The following PRKD1 variants were observed in gnomAD, a reference collection of about 807,000 sequenced individuals.
The protein encoded by PRKD1 is serine/threonine-protein kinase D1.
PRKD1 carries 63 observed loss-of-function variants against 95.9 expected under a neutral mutation model. That is an observed-to-expected ratio of 0.66 (90% CI 0.54 to 0.81). The LOEUF (loss-of-function observed/expected upper bound fraction) is 0.81, where lower values mean the gene tolerates loss of function less well. Ranked by LOEUF, PRKD1 falls within the 30% of genes least tolerant of loss-of-function variation. PRKD1 has a pLI of 0.00. For missense variants in PRKD1, 1,048 were observed against 1,165.3 expected (o/e 0.90, Z 1.47); for synonymous variants, 425 against 423.1 (o/e 1.00, Z -0.05).
chr14:29,666,131 C>A lies in PRKD1; in HGVS notation c.481G>T (p.Asp161Tyr). The change falls in exon 3 of 18, where the codon GAT becomes TAT. Residue 161 changes from aspartate (D) to tyrosine (Y), a missense_variant. By Grantham distance (160) the Asp-to-Tyr change is radical (BLOSUM62 -3). This residue lies in a region of PRKD1 where 275 missense variants were observed against 248.6 expected (regional missense o/e 1.11). Transcript: ENST00000331968. ...CCCCACAGCATTTCTCCACAGTGATCACAGAAAGCTGGAGCTCTGTATGAA... is the reference window on the plus strand; with the variant it reads ...CCCCACAGCATTTCTCCACAGTGATAACAGAAAGCTGGAGCTCTGTATGAA... ...VHSYRAPAFC[D>Y]HCGEMLWGLV... is the part of the protein sequence containing the mutation. 1 of 1,607,070 alleles carries A rather than the reference C, an allele frequency of 6.2e-7. No individual in the cohort carries two copies. Among genetic ancestry groups the A allele is most frequent in the Non-Finnish European group, 8.5e-7 (1 of 1,175,238 alleles).
chr14:29,912,601 C>T (rs994260963), intron 1 of PRKD1, among the ~76,000 whole-genome samples: 11 of 152,324 alleles, frequency 7.2e-5, no homozygotes, highest in African/African-American at 2.4e-4. Flanking sequence ...CGCTACAGTC[C>T]GTACATTCCT....
chr14:29,681,131 A>C (rs1486416415), intron 2 of PRKD1, among the ~76,000 whole-genome samples: 4 of 152,252 alleles, frequency 2.6e-5, no homozygotes, highest in Admixed American at 2.6e-4. Flanking sequence ...TAAAACTGTA[A>C]GAAACGCTTG....
At chr14:29,826,780 T>TAA (rs1555348560) in intron 1 of PRKD1, among the ~76,000 whole-genome samples, 1 of 40,536 alleles carries the variant, frequency 2.5e-5, no homozygotes, top group Non-Finnish European at 4.4e-5. Flanking sequence ...CACATATATA[T>TAA]ACATATATAC....
At chr14:29,908,371 G>A (rs61979988) in intron 1 of PRKD1, among the ~76,000 whole-genome samples, 4,124 of 152,132 alleles carry the variant, frequency 0.027, 86 homozygotes, top group Non-Finnish European at 0.044. Flanking sequence ...ATAGCTCAAC[G>A]CGACCTCCAC....
chr14:29,760,926 G>A (rs1168537370), intron 1 of PRKD1, among the ~76,000 whole-genome samples: 2 of 151,908 alleles, frequency 1.3e-5, no homozygotes, highest in Non-Finnish European at 2.9e-5. Flanking sequence ...GATTCTTTAC[G>A]TTTTAGCCAA....
intron 1 of PRKD1, among the ~76,000 whole-genome samples, chr14:29,864,951 T>C (rs909142565): frequency 3.3e-5 from 5 of 152,184 alleles, no homozygotes; most frequent in African/African-American, 1.2e-4. Context: ...TCCCCCCAAA[T>C]AGCTGTTCTT....
At chr14:29,622,391 T>C (rs1207489520) in intron 13 of PRKD1, among the ~76,000 whole-genome samples, 1 of 148,176 alleles carries the variant, frequency 6.7e-6, no homozygotes. Context: ...CTTCCTTCTT[T>C]CCTTCCTTCT....
intron 1 of PRKD1, among the ~76,000 whole-genome samples, chr14:29,810,000 T>C (rs1890411640): frequency 6.6e-6 from 1 of 152,196 alleles, no homozygotes; most frequent in East Asian, 1.9e-4. Flanking sequence ...TTAATTTCAA[T>C]ATTGTTTATC....
chr14:29,927,563 G>A lies in PRKD1; in HGVS notation c.-51C>T. ...AGCGGAGGGCGGGGGCTGGCGGCGC[G>A]GCAGCAGGAAAGTTTTGCAGCCGCT... On this transcript the variant is annotated 5_prime_UTR_variant, in exon 1 of 18. Transcript: ENST00000331968. 15 of 1,120,710 alleles carry A rather than the reference G, an allele frequency of 1.3e-5. No homozygotes were observed. The highest frequency in any genetic ancestry group is 1.6e-5 in the Non-Finnish European group (15 of 917,226). 69.4% of individuals were successfully genotyped at this position (1,120,710 alleles called of 1,614,324 possible).
At chr14:29,609,716 T>C (rs1878312749) in intron 13 of PRKD1, among the ~76,000 whole-genome samples, 1 of 141,440 alleles carries the variant, frequency 7.1e-6, no homozygotes, top group Admixed American at 7.1e-5. Flanking sequence ...ATTTCTTTAT[T>C]TTTTTTTTTT....
rs45597537 is a variant in PRKD1, at chr14:29,793,335, T to A, written c.265-67661A>T. 7.1e-3 allele frequency among the ~76,000 whole-genome samples: 1,081 copies of A among 151,996 alleles called. 16 individuals are homozygous for A. Among genetic ancestry groups the A allele is most frequent in the African/African-American group, 0.024 (1,001 of 41,494 alleles). ...AAAAGAGCAAATTTTTCAAAAAACA[T>A]CCAAACTATAATAACCAAAGAAACA... On this transcript the variant is annotated intron_variant, in intron 1 of 17. Coordinates refer to ENST00000331968, the MANE Select transcript of PRKD1 (RefSeq NM_002742.3).
At chr14:29,763,639 ACCTTGGGTGTTGCC>A (rs1241273469) in intron 1 of PRKD1, among the ~76,000 whole-genome samples, 1 of 152,138 alleles carries the variant, frequency 6.6e-6, no homozygotes, top group Non-Finnish European at 1.5e-5. Context: ...TGCTCCTATA[ACCTTGGGTGTTGCC>A]CCAGGGTCTT....
At chr14:29,664,045 C>T (rs1882342775) in intron 3 of PRKD1, among the ~76,000 whole-genome samples, 186 bp from the exon 4 acceptor site, 1 of 151,872 alleles carries the variant, frequency 6.6e-6, no homozygotes, top group Non-Finnish European at 1.5e-5. Context: ...GTTTTGAATT[C>T]TGATCTTATT....
At chr14:29,775,903 G>A (rs551561115) in intron 1 of PRKD1, among the ~76,000 whole-genome samples, 1 of 152,278 alleles carries the variant, frequency 6.6e-6, no homozygotes, top group Admixed American at 6.5e-5. Context: ...CCCAGTAGGG[G>A]CCGACTGACA....
At chr14:29,604,044 G>A (rs78300471) in intron 13 of PRKD1, among the ~76,000 whole-genome samples, 3,781 of 152,148 alleles carry the variant, frequency 0.025, 166 homozygotes, top group African/African-American at 0.085. Context: ...TAGAAAATGT[G>A]TATATAATCA....
intron 4 of PRKD1, 87 bp downstream of exon 4, chr14:29,663,612 A>G (rs2139211139): frequency 6.8e-7 from 1 of 1,465,224 alleles, no homozygotes; most frequent in Non-Finnish European, 9.5e-7. Flanking sequence ...TCTCCCTCCT[A>G]GCGCCCTGTC....
chr14:29,820,189 C>G (rs1372635170), intron 1 of PRKD1, among the ~76,000 whole-genome samples: 1 of 152,190 alleles, frequency 6.6e-6, no homozygotes, highest in Non-Finnish European at 1.5e-5. Context: ...AATCTAGAGG[C>G]AATACTTTCT....
chr14:29,794,710 G>T (rs1889731840), intron 1 of PRKD1, among the ~76,000 whole-genome samples: 1 of 150,876 alleles, frequency 6.6e-6, no homozygotes, highest in Admixed American at 6.6e-5. Flanking sequence ...CCTCCCCCGT[G>T]CTCCCTATGT....
chr14:29,583,206 A>AAAT (rs1892805855), intron 16 of PRKD1, among the ~76,000 whole-genome samples: 1 of 152,194 alleles, frequency 6.6e-6, no homozygotes, highest in Non-Finnish European at 1.5e-5. Flanking sequence ...GACTATATCC[A>AAAT]AATACCTAGA....
Sources: gnomAD v4.1 joint callset for allele counts (sites outside exome capture counted in the v4.1 genomes callset) on GRCh38, gnomAD v4.1.1 for gene constraint, gnomAD v4.1.1 regional missense constraint, MANE v1.5 for transcripts, NCBI Gene and HGNC (gene_info 2026-07-23, HGNC 2026-07-21) for gene names.